AP3B1: variants seen among roughly 807,000 people sequenced by gnomAD.
The protein encoded by AP3B1 is AP-3 complex subunit beta-1.
Under a neutral mutation model 132.5 loss-of-function variants are expected in AP3B1, and 61 were observed. The observed-to-expected ratio is 0.46, with a 90% CI of 0.37 to 0.57. AP3B1 has a LOEUF of 0.57. Among genes scored for constraint, AP3B1 ranks in the 20% least tolerant of loss-of-function variants. The pLI, the probability that AP3B1 is intolerant of heterozygous loss-of-function variation, is 0.00. For synonymous variants in AP3B1, 388 were observed against 438.3 expected (o/e 0.89, Z 1.43); for missense variants, 1,120 against 1,289.4 (o/e 0.87, Z 2.01).
intron 7 of AP3B1, among the ~76,000 whole-genome samples, chr5:78,197,800 CCTGAAAAA>C (rs1745134173): frequency 6.6e-6 from 1 of 152,044 alleles, no homozygotes; most frequent in Admixed American, 6.6e-5. Flanking sequence ...ATCAAACATT[CCTGAAAAA>C]TATCTACTTT....
intron 22 of AP3B1, among the ~76,000 whole-genome samples, chr5:78,086,853 T>C (rs77748622): frequency 0.034 from 5,245 of 152,290 alleles, 189 homozygotes; most frequent in East Asian, 0.14. Flanking sequence ...AGTTTTTTTT[T>C]TCTTTGGCAA....
intron 22 of AP3B1, among the ~76,000 whole-genome samples, chr5:78,039,777 C>CAAA (rs1253462843): frequency 5.8e-4 from 41 of 71,192 alleles, no homozygotes; most frequent in African/African-American, 2.1e-3. Flanking sequence ...GACTCCGTCT[C>CAAA]AAAAAAAAAA....
At chr5:78,070,745 G>A (rs974213027) in intron 22 of AP3B1, among the ~76,000 whole-genome samples, 18 of 151,650 alleles carry the variant, frequency 1.2e-4, no homozygotes, top group African/African-American at 4.1e-4. Flanking sequence ...ATTAAAAAGT[G>A]GGCAAAGGAC....
chr5:78,211,616 T>G (rs1321314390), intron 7 of AP3B1, among the ~76,000 whole-genome samples: 2 of 152,210 alleles, frequency 1.3e-5, no homozygotes, highest in African/African-American at 4.8e-5. Flanking sequence ...AAACAAATGT[T>G]TGCAAAAATT....
chr5:78,172,186 T>C (rs192576152), intron 11 of AP3B1, among the ~76,000 whole-genome samples: 263 of 152,368 alleles, frequency 1.7e-3, no homozygotes, highest in Non-Finnish European at 2.2e-3. Flanking sequence ...TCAAGGATAC[T>C]GGTCTAAAAT....
intron 13 of AP3B1, among the ~76,000 whole-genome samples, chr5:78,158,458 AC>A (rs1236583256): frequency 1.3e-5 from 2 of 150,784 alleles, no homozygotes; most frequent in South Asian, 2.1e-4. Context: ...AAAAGAAAAA[AC>A]AAAAAAAAAC....
chr5:78,164,918 A>G (rs1260673266), intron 12 of AP3B1, among the ~76,000 whole-genome samples: 1 of 152,192 alleles, frequency 6.6e-6, no homozygotes, highest in African/African-American at 2.4e-5. Context: ...ATTAGTGCAT[A>G]GTATGTGGTA....
intron 20 of AP3B1, chr5:78,101,337 C>T: frequency 2.2e-6 from 1 of 455,272 alleles, no homozygotes; most frequent in Non-Finnish European, 4.3e-6. Context: ...TAAAGTGGCT[C>T]TTTGGTAGAA....
chr5:78,233,472 T>C (rs1415899094), intron 3 of AP3B1, among the ~76,000 whole-genome samples: 1 of 151,832 alleles, frequency 6.6e-6, no homozygotes, highest in Non-Finnish European at 1.5e-5. Flanking sequence ...TGACCTCAGG[T>C]GATCCGCCCA....
At chr5:78,161,543 G>A (rs1743388097) in intron 13 of AP3B1, among the ~76,000 whole-genome samples, 1 of 151,908 alleles carries the variant, frequency 6.6e-6, no homozygotes, top group African/African-American at 2.4e-5. Context: ...ATTTTAAAAT[G>A]TGACATAGAA....
At chr5:78,287,952 T>C (rs1329718057) in intron 1 of AP3B1, among the ~76,000 whole-genome samples, 8 of 152,198 alleles carry the variant, frequency 5.3e-5, no homozygotes, top group African/African-American at 1.9e-4. Context: ...TATAACAGTA[T>C]GCTGACAAAA....
At chr5:78,281,051 G>A (rs1431346280) in intron 1 of AP3B1, among the ~76,000 whole-genome samples, 1 of 152,102 alleles carries the variant, frequency 6.6e-6, no homozygotes, top group African/African-American at 2.4e-5. Flanking sequence ...CAGAAAAAAA[G>A]TCCTACAAAT....
chr5:78,001,031 A>C, downstream of AP3B1: 1 of 152,224 alleles, frequency 6.6e-6, no homozygotes, highest in Non-Finnish European at 1.5e-5. Context: ...CCATAATTTT[A>C]AAAGTTAGCA....
rs959070738 is a variant in AP3B1, at chr5:78,002,735, A to G, written c.*167T>C. On this transcript the variant is annotated 3_prime_UTR_variant, in exon 27 of 27. Transcript: ENST00000255194. ...AGCAAAAAGGGGGAAAGTATTGCAT[A>G]CATGATAGATACACACTAGCATTCT... The G allele has an allele frequency of 5.0e-6, 4 of 797,734 alleles. No individual in the cohort carries two copies. The African/African-American group carries it at 6.8e-5, about 14-fold the overall frequency. The allele number at this position is 797,734 out of a possible 1,614,324, so 49.4% of individuals were successfully genotyped here. A position where few individuals can be genotyped will look rare whatever the true frequency, so the allele number is the denominator to read the frequency against.
chr5:78,077,203 CTTTTCTTAA>C (rs1749802227), intron 22 of AP3B1, among the ~76,000 whole-genome samples: 1 of 152,304 alleles, frequency 6.6e-6, no homozygotes, highest in African/African-American at 2.4e-5. Context: ...GAAATGATCA[CTTTTCTTAA>C]TGAGCCTTCC....
chr5:78,256,997 C>T (rs977351401), intron 2 of AP3B1, among the ~76,000 whole-genome samples: 1 of 152,052 alleles, frequency 6.6e-6, no homozygotes, highest in African/African-American at 2.4e-5. Flanking sequence ...CCTCAAAAAA[C>T]TGGGAATAGA....
intron 7 of AP3B1, among the ~76,000 whole-genome samples, chr5:78,193,754 A>ATCTATATATC (rs1561469518): frequency 8.4e-6 from 1 of 118,518 alleles, no homozygotes; most frequent in South Asian, 2.6e-4. Context: ...TTATATATAT[A>ATCTATATATC]TATATATATA....
chr5:78,163,105 T>C (rs1743456664), intron 12 of AP3B1, among the ~76,000 whole-genome samples, 154 bp from the exon 13 acceptor site: 1 of 152,192 alleles, frequency 6.6e-6, no homozygotes. Flanking sequence ...TAGATTAATT[T>C]CATTTTGTTT....
chr5:78,049,552 G>A (rs1359302257), intron 22 of AP3B1, among the ~76,000 whole-genome samples: 1 of 152,166 alleles, frequency 6.6e-6, no homozygotes, highest in Non-Finnish European at 1.5e-5. Context: ...AGGCTCAGTA[G>A]GCTAGAAGAA....
Sources: allele counts gnomAD v4.1 joint callset (sites outside exome capture counted in the v4.1 genomes callset), GRCh38; gene constraint gnomAD v4.1.1; transcripts MANE v1.5; gene names NCBI Gene and HGNC (gene_info 2026-07-23, HGNC 2026-07-21).